RORA: variants seen among roughly 807,000 people sequenced by gnomAD.
RORA encodes the protein nuclear receptor ROR-alpha.
Under a neutral mutation model 69.5 loss-of-function variants are expected in RORA, and 7 were observed. The ratio of observed to expected loss-of-function variants is 0.10; its 90% CI spans 0.06 to 0.19. RORA has a LOEUF of 0.19. RORA is among the 10% of genes least tolerant of loss of function. RORA has a pLI of 1.00. For missense variants in RORA, 457 were observed against 663.0 expected, an observed-to-expected ratio of 0.69 and a Z score of 3.41; for synonymous variants, 261 against 240.8, an observed-to-expected ratio of 1.08 and a Z score of -0.78.
intron 7 of RORA, 101 bp downstream of exon 7, chr15:60,503,434 A>G (rs2065394313): frequency 4.2e-6 from 5 of 1,178,558 alleles, no homozygotes; most frequent in African/African-American, 3.1e-5. Context: ...TTATCATTGG[A>G]GAAAAACTGT....
chr15:60,607,599 C>T (rs1469183372), intron 2 of RORA, among the ~76,000 whole-genome samples: 2 of 152,186 alleles, frequency 1.3e-5, no homozygotes, highest in Non-Finnish European at 2.9e-5. Flanking sequence ...GCATTATACA[C>T]AGGCATTTTA....
chr15:60,865,204 G>C (rs12909611), intron 1 of RORA, among the ~76,000 whole-genome samples: 65,960 of 151,992 alleles, frequency 0.43, 14,685 homozygotes, highest in East Asian at 0.61. Flanking sequence ...AGAGAACTTG[G>C]GTTCCAGTCT....
intron 1 of RORA, among the ~76,000 whole-genome samples, chr15:60,989,817 T>A (rs1175837953): frequency 6.6e-6 from 1 of 152,016 alleles, no homozygotes; most frequent in East Asian, 1.9e-4. Context: ...AATTACTAAC[T>A]TTTACTCTCC....
At chr15:61,142,773 C>T (rs2079312141) in intron 1 of RORA, among the ~76,000 whole-genome samples, 1 of 152,050 alleles carries the variant, frequency 6.6e-6, no homozygotes, top group Admixed American at 6.6e-5. Flanking sequence ...ATCATCTTCA[C>T]GGGTGCTAAA....
chr15:60,605,953 T>G (rs1261584657), intron 2 of RORA, among the ~76,000 whole-genome samples: 1 of 152,232 alleles, frequency 6.6e-6, no homozygotes, highest in Non-Finnish European at 1.5e-5. Flanking sequence ...TCCCAGGCTA[T>G]TTTAAATGAT....
intron 2 of RORA, among the ~76,000 whole-genome samples, chr15:60,636,642 G>A (rs1479850062): frequency 2.0e-5 from 3 of 151,946 alleles, no homozygotes; most frequent in African/African-American, 4.8e-5. Flanking sequence ...TTTTTTAAAA[G>A]GTTCTAAAAA....
chr15:61,225,315 T>C (rs928267806), intron 1 of RORA, among the ~76,000 whole-genome samples: 12 of 152,222 alleles, frequency 7.9e-5, no homozygotes, highest in Admixed American at 6.5e-4. Flanking sequence ...GCGAGCCGGG[T>C]CCATGTGAGG....
chr15:61,045,648 G>C (rs939420110), intron 1 of RORA, among the ~76,000 whole-genome samples: 4 of 152,158 alleles, frequency 2.6e-5, no homozygotes, highest in Admixed American at 1.3e-4. Context: ...CCCTAGAACA[G>C]GTCAGACAGT....
At chr15:60,569,261 T>TAAAAA (rs60382168) in intron 2 of RORA, among the ~76,000 whole-genome samples, 1 of 89,622 alleles carries the variant, frequency 1.1e-5, no homozygotes, top group Non-Finnish European at 2.6e-5. Context: ...TTTAAAAAAT[T>TAAAAA]AAAAAAAAAA....
At chr15:60,756,040 T>A (rs1447066732) in intron 1 of RORA, among the ~76,000 whole-genome samples, 2 of 152,074 alleles carry the variant, frequency 1.3e-5, no homozygotes, top group Non-Finnish European at 1.5e-5. Flanking sequence ...TCCCTCAATA[T>A]CTCCACCTTC....
At chr15:60,938,916 AC>A (rs1281359115) in intron 1 of RORA, among the ~76,000 whole-genome samples, 1 of 152,260 alleles carries the variant, frequency 6.6e-6, no homozygotes, top group Non-Finnish European at 1.5e-5. Flanking sequence ...ATAAAAAGGC[AC>A]TGGCCCATGC....
intron 1 of RORA, among the ~76,000 whole-genome samples, chr15:61,071,237 G>GA (rs1270597713): frequency 9.9e-5 from 1 of 10,060 alleles, no homozygotes; most frequent in Non-Finnish European, 1.9e-4. Context: ...GGAAGGGAGG[G>GA]GAGGGGAAGG....
chr15:60,892,259 T>G (rs1373971848), intron 1 of RORA, among the ~76,000 whole-genome samples: 1 of 152,196 alleles, frequency 6.6e-6, no homozygotes, highest in Non-Finnish European at 1.5e-5. Flanking sequence ...AGATGGGAAT[T>G]CCAGGTCTTG....
In RORA at chr15:60,877,176, T is replaced by A. The variant is rs115837139; in HGVS notation, c.167-198490A>T. Among the ~76,000 whole-genome samples, 560 of 152,338 alleles carry A rather than the reference T, an allele frequency of 3.7e-3. 5 individuals carry two copies. The highest frequency in any genetic ancestry group is 0.013 in the African/African-American group (543 of 41,570). On this transcript the variant is annotated intron_variant, in intron 1 of 10. Coordinates refer to ENST00000335670, the MANE Select transcript of RORA (RefSeq NM_134261.3). ...ATCTCAACACAAGGCTGAGAAGTAG[T>A]TCACCAAGGCAAGTAAATGAAAAGC...
intron 2 of RORA, among the ~76,000 whole-genome samples, chr15:60,539,983 G>A (rs191183807): frequency 1.3e-5 from 2 of 152,176 alleles, no homozygotes; most frequent in Admixed American, 6.5e-5. Context: ...AGAATCTCTC[G>A]GGGTGGGTTA....
chr15:60,615,240 G>C (rs2140599527), intron 2 of RORA, among the ~76,000 whole-genome samples: 1 of 152,316 alleles, frequency 6.6e-6, no homozygotes, highest in Middle Eastern at 3.4e-3. Context: ...CACACTTGGG[G>C]TCAGGGGATA....
chr15:61,028,277 TG>T (rs1895937057), intron 1 of RORA, among the ~76,000 whole-genome samples: 1 of 152,174 alleles, frequency 6.6e-6, no homozygotes, highest in African/African-American at 2.4e-5. Context: ...AAAGGCATGC[TG>T]GGGGCATGAG....
At chr15:60,615,001 C>T (rs769561065) in intron 2 of RORA, 2 of 1,613,762 alleles carry the variant, frequency 1.2e-6, no homozygotes, top group South Asian at 1.1e-5. Flanking sequence ...CCAGAACAGC[C>T]TGCTCAGGGA....
At chr15:60,585,550 A>G (rs2068309460) in intron 2 of RORA, among the ~76,000 whole-genome samples, 1 of 152,214 alleles carries the variant, frequency 6.6e-6, no homozygotes, top group African/African-American at 2.4e-5. Flanking sequence ...AGATTTAAAA[A>G]GGGGAAACGC....
Sources: gnomAD v4.1 joint callset for allele counts (sites outside exome capture counted in the v4.1 genomes callset) on GRCh38, gnomAD v4.1.1 for gene constraint, MANE v1.5 for transcripts, NCBI Gene and HGNC (gene_info 2026-07-23, HGNC 2026-07-21) for gene names.